ANO7: variants seen among roughly 807,000 people sequenced by gnomAD.
ANO7 encodes anoctamin 7.
ANO7 carries 114 observed loss-of-function variants against 115.8 expected under a neutral mutation model. That is an observed-to-expected ratio of 0.98 (90% CI 0.85 to 1.15). ANO7 has a LOEUF of 1.15. Ranked by LOEUF, ANO7 falls within the 50% of genes most tolerant of loss-of-function variation. The probability of loss-of-function intolerance (pLI) is 0.00; values close to 1 mark genes in which losing one functional copy is unlikely to be tolerated. For synonymous variants in ANO7, 550 were observed against 498.2 expected, an observed-to-expected ratio of 1.10 and a Z score of -1.38; for missense variants, 1,302 against 1,201.2, an observed-to-expected ratio of 1.08 and a Z score of -1.24.
chr2:241,203,254 A>G lies in ANO7; in HGVS notation c.724-79A>G. 2 of 1,229,614 alleles carry G rather than the reference A, an allele frequency of 1.6e-6. No individual in the cohort carries two copies. The highest frequency in any genetic ancestry group is 2.2e-6 in the Non-Finnish European group (2 of 917,612). The allele number at this position is 1,229,614 out of a possible 1,614,324, so 76.2% of individuals were successfully genotyped here. ...CCAGGCCTGTCTGCCCATGTCCCAC[A>G]CTGAAGCCCCTGCACCTACAACAGT... On this transcript the variant is annotated intron_variant, in intron 8 of 24. Transcript: ENST00000674324. This position sits in a 1 kb window ranked among gnomAD's most constrained non-coding sequence, Gnocchi z 4.8.
chr2:241,201,317 C>A lies in ANO7; in HGVS notation c.574C>A (p.Gln192Lys). 1 of 1,613,378 alleles carries A rather than the reference C, an allele frequency of 6.2e-7. No homozygotes were observed. ...CCACAGCTTCCTCGGGAGTGACAAC[C>A]AGGACACCTTCTTCACAAGCACCAA... ...KLPRFLGSDNQDTFFTSTKRH... is the reference protein window; with the variant it reads ...KLPRFLGSDNKDTFFTSTKRH... Residue 192 changes from glutamine (Q) to lysine (K), a missense_variant, in exon 7 of 25, where the codon CAG becomes AAG. Transcript: ENST00000674324.
At chr2:241,236,882 G>C in the ANO7 span, 1 of 1,088,612 alleles carries the variant, frequency 9.2e-7, no homozygotes, top group Non-Finnish European at 1.3e-6. Context: ...GTAAAAGGGA[G>C]GGAAAACCAC....
chr2:241,215,304 G>A (rs1456114294), intron 18 of ANO7, among the ~76,000 whole-genome samples: 1 of 152,230 alleles, frequency 6.6e-6, no homozygotes, highest in African/African-American at 2.4e-5. Flanking sequence ...TCCCAGGGTT[G>A]ATCCTCAGAC....
At chr2:241,198,403 G>A (rs1001447333) in intron 4 of ANO7, among the ~76,000 whole-genome samples, 1 of 152,238 alleles carries the variant, frequency 6.6e-6, no homozygotes, top group African/African-American at 2.4e-5. Flanking sequence ...TATGGACAGA[G>A]CTGATTGGGT....
At chr2:241,223,459 T>A in intron 22 of ANO7, 183 bp downstream of exon 22, 1 of 1,022,442 alleles carries the variant, frequency 9.8e-7, no homozygotes, top group Non-Finnish European at 1.5e-6. Flanking sequence ...GGTTGTGGTG[T>A]GGACATTGTG....
At position 241,200,102 on chromosome 2, in the gene ANO7, A is replaced by G; in HGVS notation, c.431A>G (p.Gln144Arg). ...LKLPLQELPN[Q>R]ASNWSAGLLA... ...GTTTCCTTCCAGGAGTTACCCAACC[A>G]GGCCTCCAACTGGTCGGCCGGCCTG... The change falls in exon 6 of 25, where the codon CAG (glutamine) becomes CGG (arginine). Residue 144 changes from glutamine to arginine, a missense_variant. Physicochemically the swap from Gln to Arg is conservative, Grantham distance 43 (BLOSUM62 1). Transcript: ENST00000674324. The G allele has an allele frequency of 6.2e-7, 1 of 1,612,696 alleles. No individual in the cohort carries two copies. Among genetic ancestry groups the G allele is most frequent in the Non-Finnish European group, 8.5e-7 (1 of 1,179,990 alleles).
the ANO7 span, chr2:241,236,258 G>C: frequency 3.2e-6 from 1 of 308,522 alleles, no homozygotes; most frequent in African/African-American, 2.1e-5. Context: ...GGTGAGCTAG[G>C]CCTGATAACC....
At chr2:241,234,749 C>A in the ANO7 span, among the ~76,000 whole-genome samples, 1 of 152,210 alleles carries the variant, frequency 6.6e-6, no homozygotes, top group East Asian at 1.9e-4. Context: ...CCTTTGACCA[C>A]CCTGTGCTAG....
At position 241,199,775 on chromosome 2, in the gene ANO7, G is replaced by C. The variant is rs527953505; in HGVS notation, c.418-314G>C. On this transcript the variant is annotated intron_variant, in intron 5 of 24. Transcript: ENST00000674324. ...CCTCAGGAAGATGGGCCTGGACGTG[G>C]GTCCGCCTCCCACCGCACTGGCTGG... Among the ~76,000 whole-genome samples, 24 of 152,316 alleles carry C rather than the reference G, an allele frequency of 1.6e-4. No homozygotes were observed. The East Asian group carries it at 4.4e-3, about 28-fold the overall frequency.
chr2:241,226,482 T>G (rs2069175027), downstream of ANO7, among the ~76,000 whole-genome samples: 1 of 151,576 alleles, frequency 6.6e-6, no homozygotes, highest in Non-Finnish European at 1.5e-5. Context: ...TGGAGTGCAG[T>G]GGTACGATCT....
At position 241,188,883 on chromosome 2, in the gene ANO7, G is replaced by A. The variant is rs192451569; in HGVS notation, c.-8+117G>A. The A allele has an allele frequency of 7.2e-4, 981 of 1,367,284 alleles. 4 individuals are homozygous for A. The African/African-American group carries it at 0.013, about 18-fold the overall frequency. 84.7% of individuals were successfully genotyped at this position (1,367,284 alleles called of 1,614,324 possible). ...TTCACACACCCTGGCCTGTGGGGAG[G>A]CAGTGCCAGGGCCCGCCCTGGTCCC... is the stretch of plus-strand genomic sequence containing the variant. On this transcript the variant is annotated intron_variant, in intron 1 of 24. Transcript: ENST00000674324. This position sits in a 1 kb window ranked among gnomAD's most constrained non-coding sequence, Gnocchi z 4.3.
chr2:241,191,309 A>G, intron 3 of ANO7, 58 bp downstream of exon 3: 1 of 1,594,014 alleles, frequency 6.3e-7, no homozygotes, highest in African/African-American at 1.3e-5. Context: ...TGGGGACACC[A>G]CGGGGGTGCC....
intron 5 of ANO7, 28 bp downstream of exon 5, chr2:241,199,451 G>T: frequency 6.2e-7 from 1 of 1,607,828 alleles, no homozygotes; most frequent in South Asian, 1.1e-5. Flanking sequence ...GGACAGGGTG[G>T]GCCTGGAGGT....
At position 241,224,563 on chromosome 2, in the gene ANO7, C is replaced by T. The variant is rs879295947; in HGVS notation, c.*410C>T. 7.8e-5 allele frequency: 17 copies of T among 217,576 alleles called. No individual in the cohort carries two copies. Among genetic ancestry groups the T allele is most frequent in the East Asian group, 2.4e-4 (2 of 8,442 alleles). 13.5% of individuals were successfully genotyped at this position (217,576 alleles called of 1,614,324 possible). On this transcript the variant is annotated 3_prime_UTR_variant, in exon 25 of 25. Transcript: ENST00000674324. ...CTGGTGACCTTCGAATGTTTCAGAGCGCAGGGCCGTTCTCCCTCGTGTCCT... is the reference window on the plus strand; with the variant it reads ...CTGGTGACCTTCGAATGTTTCAGAGTGCAGGGCCGTTCTCCCTCGTGTCCT...
chr2:241,240,189 A>G, the ANO7 span: 3 of 1,478,534 alleles, frequency 2.0e-6, no homozygotes, highest in East Asian at 6.8e-5. The surrounding 1 kb of genome is among the most constrained non-coding windows in gnomAD (Gnocchi z 5.5). Context: ...GGAAGACAAG[A>G]GGGTCTGTAG....
intron 11 of ANO7, 149 bp from the exon 12 acceptor site, chr2:241,209,136 C>G (rs369285028): frequency 1.6e-4 from 167 of 1,014,888 alleles, no homozygotes; most frequent in East Asian, 1.6e-3. Context: ...GTGACAGAGC[C>G]AGACTCCGTC....
the ANO7 span, among the ~76,000 whole-genome samples, chr2:241,233,394 T>A: frequency 2.3e-4 from 35 of 152,180 alleles, no homozygotes; most frequent in African/African-American, 8.4e-4. The surrounding 1 kb of genome is among the most constrained non-coding windows in gnomAD (Gnocchi z 4.3). Context: ...CTAAGGACCA[T>A]CTGGCAAGCA....
At chr2:241,212,384 GC>G (rs2068736942) in intron 16 of ANO7, among the ~76,000 whole-genome samples, 179 bp downstream of exon 16, 2 of 152,224 alleles carry the variant, frequency 1.3e-5, no homozygotes, top group Admixed American at 1.3e-4. Flanking sequence ...AACAGGGGCT[GC>G]CCACCTCTTG....
At chr2:241,239,998 G>A in the ANO7 span, 14 of 1,614,166 alleles carry the variant, frequency 8.7e-6, no homozygotes, top group Middle Eastern at 1.6e-4. This position sits in a 1 kb window ranked among gnomAD's most constrained non-coding sequence, Gnocchi z 4.6. Flanking sequence ...GTCCTCAGCC[G>A]CAGGGAAGAT....
Sources: allele counts gnomAD v4.1 joint callset (sites outside exome capture counted in the v4.1 genomes callset), GRCh38; gene constraint gnomAD v4.1.1; non-coding constraint Gnocchi (gnomAD v3.1); transcripts MANE v1.5; gene names NCBI Gene and HGNC (gene_info 2026-07-23, HGNC 2026-07-21).